Variants in STAR observed in about 807,000 individuals in gnomAD.
The protein encoded by STAR is steroidogenic acute regulatory protein, mitochondrial.
Under a neutral mutation model 32.3 loss-of-function variants are expected in STAR, and 32 were observed. The observed-to-expected ratio is 0.99, with a 90% CI of 0.75 to 1.33. The LOEUF is 1.33. Ranked by LOEUF, STAR falls within the 40% of genes most tolerant of loss-of-function variation. STAR has a pLI of 0.00. For synonymous variants in STAR, 134 were observed against 140.5 expected (o/e 0.95, Z 0.33); for missense variants, 375 against 379.0 (o/e 0.99, Z 0.09).
intron 6 of STAR, chr8:38,144,916 G>C: frequency 1.0e-6 from 1 of 953,234 alleles, no homozygotes; most frequent in Non-Finnish European, 1.4e-6. Context: ...GGCTGAGGCG[G>C]AAGAATCACT....
intron 6 of STAR, 143 bp from the exon 7 acceptor site, chr8:38,144,529 C>T (rs1802528933): frequency 9.3e-6 from 14 of 1,503,808 alleles, no homozygotes; most frequent in East Asian, 2.6e-5. Context: ...CAGTCAAGGG[C>T]GGGAGGACTG....
At chr8:38,144,554 T>C in intron 6 of STAR, 168 bp from the exon 7 acceptor site, 1 of 1,469,292 alleles carries the variant, frequency 6.8e-7, no homozygotes, top group Non-Finnish European at 9.0e-7. Flanking sequence ...GCTCCTCTGC[T>C]GTCATGACTT....
intron 6 of STAR, 36 bp from the exon 7 acceptor site, chr8:38,144,422 G>T (rs1242228900): frequency 2.6e-6 from 4 of 1,558,312 alleles, no homozygotes; most frequent in Non-Finnish European, 3.5e-6. Flanking sequence ...GCCATCTTGT[G>T]GGTTTTGGCC....
Position 38,150,911 on chromosome 8 carries a change from T to C in STAR, c.-93A>G. 2 of 1,598,468 alleles carry C rather than the reference T, an allele frequency of 1.3e-6. No homozygotes were observed. The highest frequency in any genetic ancestry group is 1.7e-6 in the Non-Finnish European group (2 of 1,179,556). ...TTCTCTCAAGGGTGGTTCTTCGTCC[T>C]TCCTGAGCCCCTCAAGCTTCGCCTC... On this transcript the variant is annotated 5_prime_UTR_variant, in exon 1 of 7. Transcript: ENST00000276449.
chr8:38,148,404 G>A, intron 2 of STAR, 77 bp from the exon 3 acceptor site: 5 of 1,597,596 alleles, frequency 3.1e-6, no homozygotes, highest in Non-Finnish European at 4.3e-6. Flanking sequence ...GGAGCTCTGG[G>A]TCTGCTCATT....
At chr8:38,150,184 C>A (rs1484716287) in intron 1 of STAR, among the ~76,000 whole-genome samples, 1 of 151,828 alleles carries the variant, frequency 6.6e-6, no homozygotes, top group African/African-American at 2.4e-5. Context: ...GGGGTCAAGA[C>A]CAGCGTGACC....
At chr8:38,148,990 C>G (rs542577118) in intron 1 of STAR, 6 of 546,304 alleles carry the variant, frequency 1.1e-5, no homozygotes, top group Non-Finnish European at 2.0e-5. Context: ...CTGGCCCTGC[C>G]TGGAGATGGG....
rs1239424926 is a variant in STAR at position 38,142,925 on chromosome 8, G to A, written c.*1348C>T. ...TTTAGCCTGTTTAAGCAGAGAAGTT[G>A]CCAGCCCCAAACAAAGTTGACAGCT... On this transcript the variant is annotated 3_prime_UTR_variant, in exon 7 of 7. Transcript: ENST00000276449. Among the ~76,000 whole-genome samples, 1 of 152,186 alleles carries A rather than the reference G, an allele frequency of 6.6e-6. No homozygotes were observed. The highest frequency in any genetic ancestry group is 2.4e-5 in the African/African-American group (1 of 41,458).
chr8:38,144,911 A>AGG (rs1210542659), intron 6 of STAR: 2 of 892,056 alleles, frequency 2.2e-6, no homozygotes, highest in Non-Finnish European at 3.0e-6. Context: ...CAGGAGGCTG[A>AGG]GGCGGAAGAA....
chr8:38,145,530 G>A (rs1290141811), intron 5 of STAR: 8 of 651,886 alleles, frequency 1.2e-5, no homozygotes, highest in South Asian at 3.6e-5. Flanking sequence ...CAGCCCCTGC[G>A]GCCTCTTGTG....
intron 6 of STAR, chr8:38,144,950 G>A (rs1057447724): frequency 1.2e-5 from 15 of 1,207,044 alleles, no homozygotes; most frequent in East Asian, 7.5e-5. Context: ...CGGAGGTTAC[G>A]GTGAGCTGAG....
At position 38,148,283 on chromosome 8, in the gene STAR, A is replaced by G. The variant is rs1489986410; in HGVS notation, c.223T>C (p.Tyr75His). Residue 75 changes from tyrosine (Y) to histidine (H), a missense_variant, in exon 3 of 7, where the codon TAT becomes CAT. Physicochemically the swap from Tyr to His is moderately conservative, Grantham distance 83 (BLOSUM62 2). Coordinates refer to ENST00000276449, the MANE Select transcript of STAR (RefSeq NM_000349.3). ...ETLYSDQELA[Y>H]LQQGEEAMQK... ...ATGGCCTCCTCCCCCTGCTGGAGAT[A>G]GGCCAGCTCCTGGTCACTGTAGAGA... The G allele has an allele frequency of 6.2e-7, 1 of 1,614,096 alleles. No homozygotes were observed. The highest frequency in any genetic ancestry group is 8.5e-7 in the Non-Finnish European group (1 of 1,179,992).
intron 2 of STAR, 149 bp downstream of exon 2, chr8:38,148,492 G>A: frequency 7.4e-7 from 1 of 1,356,548 alleles, no homozygotes; most frequent in African/African-American, 1.4e-5. Flanking sequence ...GGTGACCAGA[G>A]AGGGATCTGG....
In STAR at chr8:38,145,687, C is replaced by T. The variant is rs377244591; in HGVS notation, c.650+276G>A. 2.0e-4 allele frequency: 115 copies of T among 574,358 alleles called. 1 individual carries two copies. In the South Asian group the frequency reaches 2.0e-3, roughly 10 times the overall value. The allele number at this position is 574,358 out of a possible 1,614,324, so 35.6% of individuals were successfully genotyped here. ...AGTCTACATTACAGCTGTTCCTGAG[C>T]GTACCAGGTGAACCTCAGCCCTGCC... On this transcript the variant is annotated intron_variant, in intron 5 of 6. Coordinates refer to ENST00000276449, the MANE Select transcript of STAR (RefSeq NM_000349.3).
chr8:38,146,506 G>C, intron 3 of STAR, 59 bp from the exon 4 acceptor site: 1 of 1,578,430 alleles, frequency 6.3e-7, no homozygotes, highest in South Asian at 1.1e-5. Flanking sequence ...GGCCGGGCAT[G>C]GTGGTTCACG....
In STAR at chr8:38,143,399, G is replaced by A. The variant is rs182316515; in HGVS notation, c.*874C>T. Among the ~76,000 whole-genome samples the A allele has an allele frequency of 1.1e-4, 16 of 150,612 alleles. No individual in the cohort carries two copies. In the South Asian group the frequency reaches 1.5e-3, roughly 14 times the overall value. ...TCGGCCCACTACAACCTCCGCCTCC[G>A]GGGTTCAAGTGATTCCCCTGCCTCA... is the stretch of plus-strand genomic sequence containing the variant. On this transcript the variant is annotated 3_prime_UTR_variant, in exon 7 of 7. Coordinates refer to ENST00000276449, the MANE Select transcript of STAR (RefSeq NM_000349.3).
intron 3 of STAR, among the ~76,000 whole-genome samples, chr8:38,147,313 G>C (rs1279847697): frequency 1.3e-5 from 2 of 152,094 alleles, no homozygotes; most frequent in Non-Finnish European, 2.9e-5. Flanking sequence ...GGTGGTATGG[G>C]TAGGTCCAAC....
intron 5 of STAR, chr8:38,145,608 G>A (rs927689476): frequency 5.4e-6 from 3 of 559,480 alleles, no homozygotes; most frequent in Non-Finnish European, 9.6e-6. Context: ...CTGGGGCCTT[G>A]GGAAATTCAG....
At chr8:38,146,252 C>T (rs755101516) in intron 4 of STAR, 37 bp downstream of exon 4, 3 of 1,613,924 alleles carry the variant, frequency 1.9e-6, no homozygotes, top group Middle Eastern at 1.6e-4. Flanking sequence ...ACTGGGCTCT[C>T]CTGGGCCCCT....
Sources: gnomAD v4.1 joint callset for allele counts (sites outside exome capture counted in the v4.1 genomes callset) on GRCh38, gnomAD v4.1.1 for gene constraint, MANE v1.5 for transcripts, NCBI Gene and HGNC (gene_info 2026-07-23, HGNC 2026-07-21) for gene names.